BRPF3: variants seen among roughly 807,000 people sequenced by gnomAD.
The protein encoded by BRPF3 is bromodomain and PHD finger-containing protein 3.
In BRPF3, 18 loss-of-function variants were observed where a neutral mutation model predicts 102.0. That is an observed-to-expected ratio of 0.18 (90% CI 0.12 to 0.26). The LOEUF is 0.26. Among genes scored for constraint, BRPF3 ranks in the 10% least tolerant of loss-of-function variants. BRPF3 has a pLI of 1.00. For missense variants in BRPF3, 1,147 were observed against 1,567.8 expected (o/e 0.73, Z 4.53); for synonymous variants, 570 against 614.2 (o/e 0.93, Z 1.06).
Position 36,200,926 on chromosome 6 carries a change from A to G in BRPF3, c.604A>G (p.Ser202Gly), listed in dbSNP as rs1376252621. Residue 202 changes from serine to glycine, a missense_variant, in exon 2 of 13, where the codon AGT becomes GGT. By Grantham distance (56) the Ser-to-Gly change is moderately conservative. This residue lies in a region of BRPF3 where 221 missense variants were observed against 337.1 expected (regional missense o/e 0.66). Transcript: ENST00000357641. This position sits in a 1 kb window ranked among gnomAD's most constrained non-coding sequence, Gnocchi z 5.3. ...AGAGTCATACTTGGAGAGTCGCAGC[A>G]GTGGGGCCCAACAGTCACTCATCGA... is the stretch of plus-strand genomic sequence containing the variant. The part of the protein sequence containing the change: ...EKESYLESRS[S>G]GAQQSLIDED... The G allele has an allele frequency of 1.2e-6, 2 of 1,614,090 alleles. No individual in the cohort carries two copies. Among genetic ancestry groups the G allele is most frequent in the Admixed American group, 1.7e-5 (1 of 60,012 alleles).
intron 7 of BRPF3, among the ~76,000 whole-genome samples, chr6:36,212,671 C>A (rs530961480): frequency 6.6e-6 from 1 of 151,620 alleles, no homozygotes; most frequent in Non-Finnish European, 1.5e-5. Flanking sequence ...TTAAAAGTTT[C>A]GGCCGGGCGC....
Position 36,210,085 on chromosome 6 carries a change from C to A in BRPF3, c.1867-131C>A. 7.1e-7 allele frequency: 1 copy of A among 1,416,962 alleles called. No homozygotes were observed. Among genetic ancestry groups the A allele is most frequent in the Non-Finnish European group, 9.8e-7 (1 of 1,021,048 alleles). The allele number at this position is 1,416,962 out of a possible 1,614,324, so 87.8% of individuals were successfully genotyped here. A position where few individuals can be genotyped will look rare whatever the true frequency, so the allele number is the denominator to read the frequency against. On this transcript the variant is annotated intron_variant, in intron 5 of 12. Transcript: ENST00000357641. This position sits in a 1 kb window ranked among gnomAD's most constrained non-coding sequence, Gnocchi z 4.7. ...GAGGGGTCAGCAGGCCAGGGTGGGC[C>A]AGGACTGTAGGTCTTTGAGTTAGCC...
intron 1 of BRPF3, among the ~76,000 whole-genome samples, chr6:36,199,173 G>T (rs904944963): frequency 1.3e-5 from 2 of 152,210 alleles, no homozygotes; most frequent in African/African-American, 4.8e-5. Context: ...TGAGTGGCGG[G>T]CAAGCGAGCA....
Position 36,200,302 on chromosome 6 carries a change from T to A in BRPF3, c.-21T>A. ...TCCTGGCCTTCTCTCCTTAGGCCTGTCCCCTCAGTTCCCAGGTGCCATGAG... is the reference window on the plus strand; with the variant it reads ...TCCTGGCCTTCTCTCCTTAGGCCTGACCCCTCAGTTCCCAGGTGCCATGAG... On this transcript the variant is annotated 5_prime_UTR_variant, in exon 2 of 13. Transcript: ENST00000357641. This position sits in a 1 kb window ranked among gnomAD's most constrained non-coding sequence, Gnocchi z 5.3. 1 of 1,606,002 alleles carries A rather than the reference T, an allele frequency of 6.2e-7. No homozygotes were observed. Among genetic ancestry groups the A allele is most frequent in the Non-Finnish European group, 8.5e-7 (1 of 1,175,894 alleles).
intron 2 of BRPF3, among the ~76,000 whole-genome samples, chr6:36,202,279 C>T (rs1014738633): frequency 1.0e-3 from 154 of 152,290 alleles, no homozygotes; most frequent in African/African-American, 3.6e-3. Context: ...TGGCCATCTG[C>T]TGTCCAGCAA....
rs1768938876 is a variant in BRPF3 at position 36,231,467 on chromosome 6, C to T, written c.*858C>T. 1 of 152,358 alleles carries T rather than the reference C, an allele frequency of 6.6e-6. No homozygotes were observed. Among genetic ancestry groups the T allele is most frequent in the Admixed American group, 6.5e-5 (1 of 15,280 alleles). The allele number at this position is 152,358 out of a possible 1,614,324, so 9.4% of individuals were successfully genotyped here. ...CCAAGCCTTCAGGGTGGGCTCCTAT[C>T]AGGCTGGGTGTGCGAGTGTCCATCT... On this transcript the variant is annotated 3_prime_UTR_variant, in exon 13 of 13. Coordinates refer to ENST00000357641, the MANE Select transcript of BRPF3 (RefSeq NM_015695.3).
In BRPF3 at chr6:36,230,519, C is replaced by T; in HGVS notation, c.3528C>T (p.Arg1176=). ...KMLEGRKTSI[R]KSVQVAYDRA... is the part of the protein sequence containing the mutation. ...TGGAAGGCCGCAAGACCAGCATCCG[C>T]AAGTCAGTGCAGGTGGCCTATGACC... The change falls in exon 13 of 13, where the codon CGC becomes CGT. Residue 1176 remains arginine (R), a synonymous_variant. Transcript: ENST00000357641. The surrounding 1 kb of genome is among the most constrained non-coding windows in gnomAD (Gnocchi z 5.4). The T allele has an allele frequency of 1.2e-6, 2 of 1,614,214 alleles. No homozygotes were observed. Among genetic ancestry groups the T allele is most frequent in the East Asian group, 2.2e-5 (1 of 44,886 alleles).
Position 36,214,041 on chromosome 6 carries a change from C to T in BRPF3, c.2644C>T (p.Leu882Phe), listed in dbSNP as rs1175788919. The T allele has an allele frequency of 6.2e-7, 1 of 1,613,940 alleles. No homozygotes were observed. Among genetic ancestry groups the T allele is most frequent in the Admixed American group, 1.7e-5 (1 of 59,990 alleles). The stretch of plus-strand genomic sequence containing the variant: ...GCCCAGAAAGGTGGAAGAAGATGAG[C>T]TCTTGGAAAAATCACCACTGCAGCT... ...LKPRKVEEDELLEKSPLQLGN... is the reference protein window; with the variant it reads ...LKPRKVEEDEFLEKSPLQLGN... The change falls in exon 8 of 13, where the codon CTC becomes TTC. Residue 882 changes from leucine to phenylalanine, a missense_variant. Leu to Phe is a conservative substitution (Grantham distance 22). This residue lies in a region of BRPF3 where 379 missense variants were observed against 426.3 expected (regional missense o/e 0.89). Coordinates refer to ENST00000357641, the MANE Select transcript of BRPF3 (RefSeq NM_015695.3).
chr6:36,218,529 G>A (rs1462532355), intron 9 of BRPF3, among the ~76,000 whole-genome samples: 2 of 148,950 alleles, frequency 1.3e-5, no homozygotes, highest in Non-Finnish European at 3.0e-5. Flanking sequence ...GCCCGATCTC[G>A]GCTCACTGCA....
At chr6:36,208,520 A>G (rs1394135953) in intron 4 of BRPF3, among the ~76,000 whole-genome samples, 1 of 152,206 alleles carries the variant, frequency 6.6e-6, no homozygotes, top group Non-Finnish European at 1.5e-5. Flanking sequence ...TCCAAATTCT[A>G]ATTCAGTGGT....
At chr6:36,217,736 C>T (rs924566350) in intron 8 of BRPF3, among the ~76,000 whole-genome samples, 181 bp from the exon 9 acceptor site, 1 of 152,148 alleles carries the variant, frequency 6.6e-6, no homozygotes, top group Non-Finnish European at 1.5e-5. Context: ...AGCAATATTT[C>T]CCCCCAAACT....
intron 2 of BRPF3, among the ~76,000 whole-genome samples, chr6:36,202,865 A>C (rs1328733118): frequency 1.3e-5 from 2 of 152,194 alleles, no homozygotes; most frequent in Non-Finnish European, 2.9e-5. Flanking sequence ...TGAGAAGGGT[A>C]GAGAGAAAGG....
At chr6:36,222,394 T>C (rs1768580934) in intron 10 of BRPF3, 129 bp downstream of exon 10, 1 of 750,094 alleles carries the variant, frequency 1.3e-6, no homozygotes, top group Non-Finnish European at 2.2e-6. Context: ...TCTTGGGCCC[T>C]TGGGCAGGGA....
chr6:36,230,356 G>A lies in BRPF3; in HGVS notation c.3435-70G>A. ...CTGGCTTTGCTGGTCCTGGCCAAGT[G>A]GGGCCACAGGAGCCCGAGCCCCCTG... On this transcript the variant is annotated intron_variant, in intron 12 of 12. Coordinates refer to ENST00000357641, the MANE Select transcript of BRPF3 (RefSeq NM_015695.3). This position sits in a 1 kb window ranked among gnomAD's most constrained non-coding sequence, Gnocchi z 5.4. The A allele has an allele frequency of 6.6e-7, 1 of 1,521,520 alleles. No homozygotes were observed. The highest frequency in any genetic ancestry group is 9.0e-7 in the Non-Finnish European group (1 of 1,110,180). The allele number at this position is 1,521,520 out of a possible 1,614,324, so 94.3% of individuals were successfully genotyped here.
Position 36,201,880 on chromosome 6 carries a change from C to G in BRPF3, c.1448+110C>G. On this transcript the variant is annotated intron_variant, in intron 2 of 12. Transcript: ENST00000357641. This position sits in a 1 kb window ranked among gnomAD's most constrained non-coding sequence, Gnocchi z 5.1. Reference sequence around the variant, plus strand: ...CAGTTGGACACTATATCCTCCTCCCCGAATTTAAACTCTTCCTTTTGACCC... The same window carrying G: ...CAGTTGGACACTATATCCTCCTCCCGGAATTTAAACTCTTCCTTTTGACCC... 7.0e-7 allele frequency: 1 copy of G among 1,437,076 alleles called. No homozygotes were observed. The highest frequency in any genetic ancestry group is 1.5e-5 in the South Asian group (1 of 66,206). 89.0% of individuals were successfully genotyped at this position (1,437,076 alleles called of 1,614,324 possible).
chr6:36,229,858 G>A (rs559737609), intron 12 of BRPF3, among the ~76,000 whole-genome samples: 1 of 152,302 alleles, frequency 6.6e-6, no homozygotes, highest in South Asian at 2.1e-4. Context: ...CCATTTTGCA[G>A]ATGAGGAAGT....
chr6:36,197,061 A>C (rs1581932312), intron 1 of BRPF3, 91 bp downstream of exon 1: 1 of 125,570 alleles, frequency 8.0e-6, no homozygotes, highest in Admixed American at 7.8e-5. Flanking sequence ...AAACCGGAGA[A>C]GCGGGGGGCT....
chr6:36,221,130 G>A (rs1215305121), intron 9 of BRPF3, among the ~76,000 whole-genome samples: 1 of 152,142 alleles, frequency 6.6e-6, no homozygotes, highest in Non-Finnish European at 1.5e-5. Flanking sequence ...ATTGTATGGG[G>A]AACAATTTGA....
chr6:36,197,745 C>CTAGACT (rs1256847248), intron 1 of BRPF3: 1 of 152,112 alleles, frequency 6.6e-6, no homozygotes, highest in Non-Finnish European at 1.5e-5. Context: ...CCAAAAAACT[C>CTAGACT]GTCTAGACTG....
Sources: allele counts gnomAD v4.1 joint callset (sites outside exome capture counted in the v4.1 genomes callset), GRCh38; gene constraint gnomAD v4.1.1; regional missense constraint gnomAD v4.1.1; non-coding constraint Gnocchi (gnomAD v3.1); transcripts MANE v1.5; gene names NCBI Gene and HGNC (gene_info 2026-07-23, HGNC 2026-07-21).